MYO16: variants seen among roughly 807,000 people sequenced by gnomAD.
MYO16 encodes the protein myosin XVI, also known as unconventional myosin-XVI.
Under a neutral mutation model 205.3 loss-of-function variants are expected in MYO16, and 94 were observed. The observed-to-expected ratio is 0.46, with a 90% CI of 0.39 to 0.54. The LOEUF (loss-of-function observed/expected upper bound fraction) is 0.54, where lower values mean the gene tolerates loss of function less well. Ranked by LOEUF, MYO16 falls within the 20% of genes least tolerant of loss-of-function variation. The pLI is 0.00. For synonymous variants in MYO16, 988 were observed against 954.0 expected, an observed-to-expected ratio of 1.04 and a Z score of -0.66; for missense variants, 2,315 against 2,387.5, an observed-to-expected ratio of 0.97 and a Z score of 0.63.
In MYO16 at chr13:109,135,090, G is replaced by GACTTGTGGCCTAAA. The variant is rs1242223336; in HGVS notation, c.4052-5173_4052-5172insCTTGTGGCCTAAAA. Among the ~76,000 whole-genome samples, 99 of 152,292 alleles carry GACTTGTGGCCTAAA rather than the reference G, an allele frequency of 6.5e-4. 1 individual carries two copies. The highest frequency in any genetic ancestry group is 2.3e-3 in the African/African-American group (96 of 41,570). Reference sequence around the variant, plus strand: ...GCCTCAAGTGTGTCCTCTTCTAACTGAAGACTTGTGGCCTAAAAAGACAAG... The same window carrying GACTTGTGGCCTAAA: ...GCCTCAAGTGTGTCCTCTTCTAACTGACTTGTGGCCTAAAAAGACTTGTGGCCTAAAAAGACAAG... On this transcript the variant is annotated intron_variant, in intron 31 of 34. Coordinates refer to ENST00000457511, the MANE Select transcript of MYO16 (RefSeq NM_001198950.3).
At chr13:109,156,017 AT>A (rs532409865) in intron 32 of MYO16, among the ~76,000 whole-genome samples, 191 of 152,354 alleles carry the variant, frequency 1.3e-3, no homozygotes, top group African/African-American at 4.4e-3. Flanking sequence ...CTAGAAGCTT[AT>A]AAAGTAGGAT....
chr13:108,962,103 A>G (rs905336704), intron 18 of MYO16, among the ~76,000 whole-genome samples: 7 of 152,216 alleles, frequency 4.6e-5, no homozygotes, highest in Admixed American at 3.9e-4. Context: ...ACAGATTGTC[A>G]GGAAACAACA....
At chr13:108,877,280 C>T (rs1879373853) in intron 12 of MYO16, among the ~76,000 whole-genome samples, 1 of 152,112 alleles carries the variant, frequency 6.6e-6, no homozygotes, top group Admixed American at 6.5e-5. Context: ...ATGATTCTTC[C>T]AATTAGTTAA....
At chr13:108,960,274 C>A (rs79030358) in intron 17 of MYO16, among the ~76,000 whole-genome samples, 562 of 127,142 alleles carry the variant, frequency 4.4e-3, no homozygotes, top group South Asian at 7.6e-3. Flanking sequence ...AACCCTGTCT[C>A]AAAAAAAAAA....
In MYO16 at chr13:109,055,687, T is replaced by G; in HGVS notation, c.3335+92T>G. ...CTATTGTAGCAAGGGTCTTCTGTTG[T>G]CTTTTTTGGCACTGCTTTTGTTGTT... On this transcript the variant is annotated intron_variant, in intron 27 of 34. Coordinates refer to ENST00000457511, the MANE Select transcript of MYO16 (RefSeq NM_001198950.3). The surrounding 1 kb of genome is among the most constrained non-coding windows in gnomAD (Gnocchi z 5.0). 4 of 1,188,156 alleles carry G rather than the reference T, an allele frequency of 3.4e-6. No individual in the cohort carries two copies. The highest frequency in any genetic ancestry group is 2.0e-5 in the Admixed American group (1 of 49,434). The allele number at this position is 1,188,156 out of a possible 1,614,324, so 73.6% of individuals were successfully genotyped here.
chr13:108,902,765 A>C (rs7326880), intron 15 of MYO16, among the ~76,000 whole-genome samples: 51,249 of 152,008 alleles, frequency 0.34, 9,296 homozygotes, highest in Non-Finnish European at 0.41. Flanking sequence ...TTGGATTAGG[A>C]CACACCCTAC....
At chr13:108,684,027 C>T (rs923414276) in intron 2 of MYO16, among the ~76,000 whole-genome samples, 8 of 152,196 alleles carry the variant, frequency 5.3e-5, no homozygotes. Context: ...AGACATGTGC[C>T]ACCACACCCA....
chr13:108,725,299 A>G (rs1884301281), intron 3 of MYO16, among the ~76,000 whole-genome samples: 1 of 152,000 alleles, frequency 6.6e-6, no homozygotes, highest in South Asian at 2.1e-4. Flanking sequence ...TTTTCTGTTC[A>G]TTGTGGATCC....
At chr13:108,834,973 G>A (rs1180536341) in intron 9 of MYO16, among the ~76,000 whole-genome samples, 4 of 152,052 alleles carry the variant, frequency 2.6e-5, no homozygotes, top group African/African-American at 9.6e-5. Flanking sequence ...ATTGTTCTAT[G>A]GAAATGTAAA....
intron 3 of MYO16, among the ~76,000 whole-genome samples, chr13:108,723,740 A>G (rs375296442): frequency 1.3e-5 from 2 of 152,330 alleles, no homozygotes; most frequent in South Asian, 4.1e-4. Flanking sequence ...AAGTCTTGAA[A>G]TTAGTTAGCT....
In MYO16 at chr13:108,823,747, A is replaced by ATCTTATT. The variant is rs563243002; in HGVS notation, c.1097+469_1097+470insTCTTATT. ...TTGACATCATTTTCAAGGTCTGAAA[A>ATCTTATT]AGGGACACAAAGTGTGATTAATAAG... is the stretch of plus-strand genomic sequence containing the variant. On this transcript the variant is annotated intron_variant, in intron 9 of 34. Coordinates refer to ENST00000457511, the MANE Select transcript of MYO16 (RefSeq NM_001198950.3). Among the ~76,000 whole-genome samples the ATCTTATT allele has an allele frequency of 4.7e-3, 717 of 152,268 alleles. 5 individuals are homozygous for ATCTTATT. The highest frequency in any genetic ancestry group is 0.016 in the African/African-American group (685 of 41,556).
intron 23 of MYO16, among the ~76,000 whole-genome samples, chr13:109,022,460 A>C (rs1381352684): frequency 7.6e-6 from 1 of 131,038 alleles, no homozygotes. Context: ...TATATATACA[A>C]TATAAACATA....
chr13:108,542,910 A>G, the MYO16 span, among the ~76,000 whole-genome samples: 1 of 150,650 alleles, frequency 6.6e-6, no homozygotes, highest in African/African-American at 2.5e-5. Context: ...TAATGTGATT[A>G]TTTATAATAA....
chr13:108,972,249 C>CTATATATATATATATATATATA (rs1158879237), intron 20 of MYO16, among the ~76,000 whole-genome samples: 2 of 2,850 alleles, frequency 7.0e-4, no homozygotes, highest in Admixed American at 8.9e-3. Flanking sequence ...CTCTCTCTCT[C>CTATATATATATATATATATATA]TATATATATA....
intron 1 of MYO16, among the ~76,000 whole-genome samples, chr13:108,648,990 G>C (rs566041023): frequency 6.7e-6 from 1 of 150,098 alleles, no homozygotes; most frequent in South Asian, 2.2e-4. Context: ...TATCCTCATG[G>C]GCTGATATTT....
chr13:108,813,208 C>T (rs76993741), intron 7 of MYO16, among the ~76,000 whole-genome samples: 1 of 152,032 alleles, frequency 6.6e-6, no homozygotes, highest in Admixed American at 6.6e-5. Context: ...GGTATGAGGG[C>T]AGAACTGTTT....
At chr13:108,589,710 C>T in the MYO16 span, among the ~76,000 whole-genome samples, 1 of 152,134 alleles carries the variant, frequency 6.6e-6, no homozygotes, top group African/African-American at 2.4e-5. Context: ...GTCTGTCTCT[C>T]TCTCTCTCAA....
At chr13:109,047,137 G>A in intron 24 of MYO16, 146 bp downstream of exon 24, 1 of 619,756 alleles carries the variant, frequency 1.6e-6, no homozygotes, top group Non-Finnish European at 2.8e-6. Context: ...AGACTAATGA[G>A]AAATGGGTCT....
At chr13:108,972,384 ATAT>A (rs1884083360) in intron 20 of MYO16, among the ~76,000 whole-genome samples, 1 of 61,966 alleles carries the variant, frequency 1.6e-5, no homozygotes, top group African/African-American at 8.0e-5. Context: ...ATATATATAT[ATAT>A]ATATATATAT....
Sources: allele counts gnomAD v4.1 joint callset (sites outside exome capture counted in the v4.1 genomes callset), GRCh38; gene constraint gnomAD v4.1.1; non-coding constraint Gnocchi (gnomAD v3.1); transcripts MANE v1.5; gene names NCBI Gene and HGNC (gene_info 2026-07-23, HGNC 2026-07-21).